WNK2: variants seen among roughly 807,000 people sequenced by gnomAD.
WNK2 encodes serine/threonine-protein kinase WNK2.
In WNK2, 67 loss-of-function variants were observed where a neutral mutation model predicts 192.1. The ratio of observed to expected loss-of-function variants is 0.35; its 90% CI spans 0.29 to 0.43. The LOEUF (loss-of-function observed/expected upper bound fraction) is 0.43, where lower values mean the gene tolerates loss of function less well. Among genes scored for constraint, WNK2 ranks in the 20% least tolerant of loss-of-function variants. The probability of loss-of-function intolerance (pLI) is 1.00; values close to 1 mark genes in which losing one functional copy is unlikely to be tolerated. For missense variants in WNK2, 2,698 were observed against 3,089.7 expected, an observed-to-expected ratio of 0.87 and a Z score of 3.01; for synonymous variants, 1,439 against 1,393.9, an observed-to-expected ratio of 1.03 and a Z score of -0.72.
intron 9 of WNK2, among the ~76,000 whole-genome samples, chr9:93,255,298 T>G (rs1843121922): frequency 6.6e-6 from 1 of 152,180 alleles, no homozygotes; most frequent in South Asian, 2.1e-4. Flanking sequence ...GCCGTGGGGC[T>G]GCCAGGCTGC....
At chr9:93,232,877 C>T (rs7041398) in intron 4 of WNK2, among the ~76,000 whole-genome samples, 24,104 of 143,230 alleles carry the variant, frequency 0.17, 2,140 homozygotes, top group East Asian at 0.28. Context: ...TGCTCAGTCT[C>T]CTAGAGAATG....
chr9:93,274,090 A>G (rs1373680849), intron 19 of WNK2, among the ~76,000 whole-genome samples: 2 of 152,234 alleles, frequency 1.3e-5, no homozygotes, highest in Non-Finnish European at 2.9e-5. Flanking sequence ...AAGAAAATAA[A>G]GACAAGAGCA....
In WNK2 at chr9:93,283,050, C is replaced by T. The variant is rs141653807; in HGVS notation, c.4034-5738C>T. 5.3e-3 allele frequency among the ~76,000 whole-genome samples: 811 copies of T among 152,158 alleles called. 5 individuals are homozygous for T. Among genetic ancestry groups the T allele is most frequent in the African/African-American group, 0.018 (752 of 41,514 alleles). ...GCAGTGCATTTATAAATATCTCATT[C>T]GGCAAAGAAGAAATTACAATGGAAA... On this transcript the variant is annotated intron_variant, in intron 19 of 29. Transcript: ENST00000427277.
rs367658205 is a variant in WNK2, at chr9:93,243,220, C to T, written c.1542+3244C>T. Reference sequence around the variant, plus strand: ...CTGCCCTGGGCCTTTCTAGCTGCTCCGAAGACAGGCAAGTTGGAGGAGCCT... The same window carrying T: ...CTGCCCTGGGCCTTTCTAGCTGCTCTGAAGACAGGCAAGTTGGAGGAGCCT... On this transcript the variant is annotated intron_variant, in intron 7 of 29. Coordinates refer to ENST00000427277, the MANE Select transcript of WNK2 (RefSeq NM_006648.4). Among the ~76,000 whole-genome samples the T allele has an allele frequency of 8.7e-4, 132 of 152,244 alleles. 1 individual carries two copies. The highest frequency in any genetic ancestry group is 6.8e-3 in the Middle Eastern group (2 of 294).
chr9:93,298,157 C>A, intron 24 of WNK2, 90 bp downstream of exon 24: 1 of 1,402,164 alleles, frequency 7.1e-7, no homozygotes, highest in Non-Finnish European at 9.7e-7. Flanking sequence ...GTGTGACACC[C>A]TCGGACCTGG....
rs565671851 is a variant in WNK2, at chr9:93,197,243, T to TA, written c.681+11634dup. Among the ~76,000 whole-genome samples, 474 of 152,268 alleles carry TA rather than the reference T, an allele frequency of 3.1e-3. 3 individuals carry two copies. Among genetic ancestry groups the TA allele is most frequent in the Middle Eastern group, 0.017 (5 of 294 alleles). On this transcript the variant is annotated intron_variant, in intron 2 of 29. Transcript: ENST00000427277. ...GAGTACTTCAGCCTGTGTCTCTTGA[T>TA]AGGAACGAGGATGCTCCCACATCAC...
chr9:93,244,996 C>G (rs1045516428), intron 7 of WNK2, among the ~76,000 whole-genome samples: 1 of 152,122 alleles, frequency 6.6e-6, no homozygotes, highest in African/African-American at 2.4e-5. Context: ...GAGCCGTAAG[C>G]TTCTGTCCCA....
intron 8 of WNK2, among the ~76,000 whole-genome samples, chr9:93,250,303 A>G (rs569161079): frequency 6.6e-6 from 1 of 152,292 alleles, no homozygotes; most frequent in East Asian, 1.9e-4. Flanking sequence ...GCAAATGGAC[A>G]CATATGTACA....
At chr9:93,251,275 C>G (rs1231049333) in intron 8 of WNK2, among the ~76,000 whole-genome samples, 1 of 152,004 alleles carries the variant, frequency 6.6e-6, no homozygotes, top group Non-Finnish European at 1.5e-5. Context: ...GCCACCATGC[C>G]CAGCTGATTT....
intron 2 of WNK2, among the ~76,000 whole-genome samples, chr9:93,215,598 A>G (rs1587952736): frequency 1.3e-5 from 2 of 152,056 alleles, no homozygotes; most frequent in Non-Finnish European, 2.9e-5. Flanking sequence ...CTTCTCACCT[A>G]TGTCTAATCT....
Position 93,206,679 on chromosome 9 carries a change from A to G in WNK2, c.681+21069A>G, listed in dbSNP as rs958024209. On this transcript the variant is annotated intron_variant, in intron 2 of 29. Coordinates refer to ENST00000427277, the MANE Select transcript of WNK2 (RefSeq NM_006648.4). Reference sequence around the variant, plus strand: ...CTCCCTTGCAGAATGAGTGTTGACCATGGGCCCCAATGCTTCTGCTGCCAT... The same window carrying G: ...CTCCCTTGCAGAATGAGTGTTGACCGTGGGCCCCAATGCTTCTGCTGCCAT... Among the ~76,000 whole-genome samples the G allele has an allele frequency of 4.5e-4, 68 of 152,174 alleles. 1 individual carries two copies. Among genetic ancestry groups the G allele is most frequent in the Non-Finnish European group, 1.9e-4 (13 of 68,026 alleles).
chr9:93,201,324 C>T (rs1832311179), intron 2 of WNK2, among the ~76,000 whole-genome samples: 1 of 152,230 alleles, frequency 6.6e-6, no homozygotes, highest in Non-Finnish European at 1.5e-5. Context: ...GCTGGAGGAG[C>T]AGGGGGAGTG....
At chr9:93,217,583 C>T (rs1173623059) in intron 2 of WNK2, among the ~76,000 whole-genome samples, 1 of 152,176 alleles carries the variant, frequency 6.6e-6, no homozygotes, top group Non-Finnish European at 1.5e-5. Flanking sequence ...GATTGGGGTG[C>T]AGATGTGGGC....
chr9:93,237,854 G>A (rs930927396), intron 5 of WNK2, among the ~76,000 whole-genome samples: 5 of 147,646 alleles, frequency 3.4e-5, no homozygotes, highest in African/African-American at 1.3e-4. Context: ...GATACTTGGG[G>A]CTCTTTTTTT....
chr9:93,238,167 A>C (rs1588106692), intron 5 of WNK2, 66 bp from the exon 6 acceptor site: 1 of 1,449,182 alleles, frequency 6.9e-7, no homozygotes, highest in Non-Finnish European at 9.7e-7. Context: ...AGTTCCTCCC[A>C]CTGTGGTGGA....
chr9:93,238,159 T>G (rs1588106642), intron 5 of WNK2, 74 bp from the exon 6 acceptor site: 1 of 1,330,472 alleles, frequency 7.5e-7, no homozygotes, highest in Non-Finnish European at 1.1e-6. Context: ...GGAGTGGGAG[T>G]TCCTCCCACT....
In WNK2 at chr9:93,239,707, A is replaced by G. The variant is rs1005882173; in HGVS notation, c.1323-50A>G. ...TGCGCATGGACACAGGAGCCTGGGCATGGAGGCCCTGGCGCCCGTGCCCCT... is the reference window on the plus strand; with the variant it reads ...TGCGCATGGACACAGGAGCCTGGGCGTGGAGGCCCTGGCGCCCGTGCCCCT... On this transcript the variant is annotated intron_variant, in intron 6 of 29. Transcript: ENST00000427277. This position sits in a 1 kb window ranked among gnomAD's most constrained non-coding sequence, Gnocchi z 4.2. The G allele has an allele frequency of 3.4e-5, 51 of 1,493,902 alleles. No individual in the cohort carries two copies. The highest frequency in any genetic ancestry group is 4.4e-5 in the Non-Finnish European group (49 of 1,101,764). 92.5% of individuals were successfully genotyped at this position (1,493,902 alleles called of 1,614,324 possible).
At chr9:93,237,665 G>A (rs1218092542) in intron 5 of WNK2, among the ~76,000 whole-genome samples, 4 of 152,142 alleles carry the variant, frequency 2.6e-5, no homozygotes, top group African/African-American at 9.7e-5. Context: ...TTGCATCTCA[G>A]CATTTCTAGT....
intron 2 of WNK2, among the ~76,000 whole-genome samples, chr9:93,189,594 C>G (rs1257624545): frequency 6.6e-6 from 1 of 152,220 alleles, no homozygotes; most frequent in East Asian, 1.9e-4. Flanking sequence ...AGAGGAGACT[C>G]GCTGAGTATG....
Sources: allele counts gnomAD v4.1 joint callset (sites outside exome capture counted in the v4.1 genomes callset), GRCh38; gene constraint gnomAD v4.1.1; non-coding constraint Gnocchi (gnomAD v3.1); transcripts MANE v1.5; gene names NCBI Gene and HGNC (gene_info 2026-07-23, HGNC 2026-07-21).